The following MBOAT7 variants were observed in gnomAD, a reference collection of about 807,000 sequenced individuals.
MBOAT7 encodes the protein membrane-bound acylglycerophosphatidylinositol O-acyltransferase MBOAT7.
In MBOAT7, 40 loss-of-function variants were observed where a neutral mutation model predicts 47.4. The ratio of observed to expected loss-of-function variants is 0.84; its 90% CI spans 0.66 to 1.10. The LOEUF (loss-of-function observed/expected upper bound fraction) is 1.10. Among genes scored for constraint, MBOAT7 ranks in the 50% least tolerant of loss-of-function variants. MBOAT7 has a pLI of 0.00. For missense variants in MBOAT7, 680 were observed against 655.6 expected (o/e 1.04, Z -0.41); for synonymous variants, 361 against 292.0 (o/e 1.24, Z -2.41).
intron 4 of MBOAT7, 132 bp from the exon 5 acceptor site, chr19:54,183,812 G>T: frequency 1.2e-6 from 1 of 868,640 alleles, no homozygotes; most frequent in Non-Finnish European, 1.6e-6. Flanking sequence ...TAGGTTGTGT[G>T]TAACGCCTCT....
chr19:54,186,261 T>A (rs2147027698), intron 4 of MBOAT7, among the ~76,000 whole-genome samples: 1 of 151,126 alleles, frequency 6.6e-6, no homozygotes, highest in South Asian at 2.1e-4. Flanking sequence ...GTGATCCGCC[T>A]GCCTCAGCCT....
At chr19:54,175,185 A>C (rs111251337) in intron 7 of MBOAT7, among the ~76,000 whole-genome samples, 32 of 152,018 alleles carry the variant, frequency 2.1e-4, no homozygotes, top group African/African-American at 7.2e-4. Context: ...TCACCGTGTT[A>C]GCCAGGATGG....
chr19:54,174,768 A>AGGCCCCG (rs1170503313), intron 7 of MBOAT7, among the ~76,000 whole-genome samples: 1 of 151,940 alleles, frequency 6.6e-6, no homozygotes, highest in South Asian at 2.1e-4. Flanking sequence ...ACCAGGCCCC[A>AGGCCCCG]GGCCCTCCCC....
Position 54,174,015 on chromosome 19 carries a change from C to G in MBOAT7, c.*29G>C. ...AGCCTGGTTCACAGAATTCCCGGGA[C>G]CAGCTGGCAGAGGGAGCGTCGTGAC... On this transcript the variant is annotated 3_prime_UTR_variant, in exon 8 of 8. Coordinates refer to ENST00000245615, the MANE Select transcript of MBOAT7 (RefSeq NM_024298.5). 1 of 1,540,856 alleles carries G rather than the reference C, an allele frequency of 6.5e-7. No individual in the cohort carries two copies. The highest frequency in any genetic ancestry group is 8.7e-7 in the Non-Finnish European group (1 of 1,148,408).
At chr19:54,176,123 G>A (rs1050408600) in intron 7 of MBOAT7, among the ~76,000 whole-genome samples, 2 of 152,188 alleles carry the variant, frequency 1.3e-5, no homozygotes, top group African/African-American at 2.4e-5. Context: ...CCAAAGTGCT[G>A]GGATTACAGG....
chr19:54,177,183 A>ATACTAATACTAATAC (rs1426058818), intron 7 of MBOAT7, among the ~76,000 whole-genome samples: 1 of 151,246 alleles, frequency 6.6e-6, no homozygotes. Flanking sequence ...ACTAATACTA[A>ATACTAATACTAATAC]TAATAATATC....
rs542729679 is a variant in MBOAT7 at position 54,173,886 on chromosome 19, C to A, written c.*158G>T. On this transcript the variant is annotated 3_prime_UTR_variant, in exon 8 of 8. Transcript: ENST00000245615. ...CTCTGGGCAGAGGGCAGGGAGGACACCCCCGGGTCTGCTTCAGTTGCAGGC... is the reference window on the plus strand; with the variant it reads ...CTCTGGGCAGAGGGCAGGGAGGACAACCCCGGGTCTGCTTCAGTTGCAGGC... The A allele has an allele frequency of 2.3e-6, 2 of 880,384 alleles. No individual in the cohort carries two copies. The highest frequency in any genetic ancestry group is 1.7e-5 in the African/African-American group (1 of 57,442). 54.5% of individuals were successfully genotyped at this position (880,384 alleles called of 1,614,324 possible).
chr19:54,175,005 T>C (rs2076049239), intron 7 of MBOAT7, among the ~76,000 whole-genome samples: 1 of 140,874 alleles, frequency 7.1e-6, no homozygotes, highest in African/African-American at 2.6e-5. Flanking sequence ...AGACAGAGTC[T>C]CGCTCTGTCG....
rs901023525 is a variant in MBOAT7, at chr19:54,183,575, G to A, written c.439C>T (p.Pro147Ser). ...GPTLGLLPDV[P>S]SLMETLSYSY... Reference sequence around the variant, plus strand: ...TAGCTGAGTGTCTCCATCAGGGAGGGCACGTCGGGCAGCAGCCCCAGGGTG... The same window carrying A: ...TAGCTGAGTGTCTCCATCAGGGAGGACACGTCGGGCAGCAGCCCCAGGGTG... The change falls in exon 5 of 8, where the codon CCC becomes TCC. Residue 147 changes from proline (P) to serine (S), a missense_variant. Pro to Ser is a moderately conservative substitution (Grantham distance 74). Coordinates refer to ENST00000245615, the MANE Select transcript of MBOAT7 (RefSeq NM_024298.5). 2.5e-6 allele frequency: 4 copies of A among 1,608,802 alleles called. No individual in the cohort carries two copies. Among genetic ancestry groups the A allele is most frequent in the Non-Finnish European group, 3.4e-6 (4 of 1,177,768 alleles).
At chr19:54,181,691 GAGGGAAGGAGGGAAGGAAGA>G (rs1162962397) in intron 5 of MBOAT7, among the ~76,000 whole-genome samples, 36 of 99,488 alleles carry the variant, frequency 3.6e-4, no homozygotes, top group African/African-American at 1.2e-3. Flanking sequence ...AGGAAGGAGG[GAGGGAAGGAGGGAAGGAAGA>G]AGGGAGGGAA....
Position 54,173,891 on chromosome 19 carries a change from G to A in MBOAT7, c.*153C>T, listed in dbSNP as rs1001569486. ...GGCAGAGGGCAGGGAGGACACCCCC[G>A]GGTCTGCTTCAGTTGCAGGCAGGGT... is the stretch of plus-strand genomic sequence containing the variant. On this transcript the variant is annotated 3_prime_UTR_variant, in exon 8 of 8. Transcript: ENST00000245615. 4.0e-5 allele frequency: 37 copies of A among 914,948 alleles called. No homozygotes were observed. Among genetic ancestry groups the A allele is most frequent in the Middle Eastern group, 3.5e-4 (1 of 2,844 alleles). The allele number at this position is 914,948 out of a possible 1,614,324, so 56.7% of individuals were successfully genotyped here.
At chr19:54,177,334 T>C (rs1046939439) in intron 7 of MBOAT7, among the ~76,000 whole-genome samples, 7 of 152,180 alleles carry the variant, frequency 4.6e-5, no homozygotes, top group South Asian at 4.2e-4. Flanking sequence ...CTCGCTCTGT[T>C]GCCCAGGCTG....
intron 1 of MBOAT7, among the ~76,000 whole-genome samples, chr19:54,188,745 T>A (rs2076536023): frequency 6.6e-6 from 1 of 150,882 alleles, no homozygotes; most frequent in Non-Finnish European, 1.5e-5. Context: ...GGCCTCCAGC[T>A]CTCCTGTCCT....
Position 54,173,746 on chromosome 19 carries a change from C to T in MBOAT7, c.*298G>A. The T allele has an allele frequency of 5.2e-6, 2 of 385,584 alleles. No homozygotes were observed. Among genetic ancestry groups the T allele is most frequent in the Non-Finnish European group, 9.3e-6 (2 of 216,178 alleles). The allele number at this position is 385,584 out of a possible 1,614,324, so 23.9% of individuals were successfully genotyped here. A position where few individuals can be genotyped will look rare whatever the true frequency, so the allele number is the denominator to read the frequency against. On this transcript the variant is annotated 3_prime_UTR_variant, in exon 8 of 8. Coordinates refer to ENST00000245615, the MANE Select transcript of MBOAT7 (RefSeq NM_024298.5). ...GGGAATTTGCCCAAAACCCACTGCCCAGGGGCCCCTTCCGTTTTGGGGAAG... is the reference window on the plus strand; with the variant it reads ...GGGAATTTGCCCAAAACCCACTGCCTAGGGGCCCCTTCCGTTTTGGGGAAG...
intron 5 of MBOAT7, among the ~76,000 whole-genome samples, chr19:54,181,933 G>A (rs867387018): frequency 3.0e-5 from 1 of 33,730 alleles, no homozygotes; most frequent in African/African-American, 1.3e-4. Flanking sequence ...GAGGGAGGGA[G>A]GGAAGGAGGG....
intron 7 of MBOAT7, 109 bp downstream of exon 7, chr19:54,178,656 C>T (rs1600642296): frequency 4.7e-6 from 7 of 1,484,524 alleles, no homozygotes; most frequent in African/African-American, 1.4e-5. Context: ...CTACAATTCC[C>T]ATGAGCCTCC....
rs1206462864 is a variant in MBOAT7, at chr19:54,180,086, A to T, written c.854+687T>A. The stretch of plus-strand genomic sequence containing the variant: ...GGGTCAACCCATAGTTTCCAGGGGG[A>T]GGTTTGGCTTCCTTAGCAACAGTGT... On this transcript the variant is annotated intron_variant, in intron 6 of 7. Transcript: ENST00000245615. This position sits in a 1 kb window ranked among gnomAD's most constrained non-coding sequence, Gnocchi z 5.2. 1 of 151,740 alleles carries T rather than the reference A, an allele frequency of 6.6e-6. No homozygotes were observed. The highest frequency in any genetic ancestry group is 1.9e-4 in the East Asian group (1 of 5,168). 9.4% of individuals were successfully genotyped at this position (151,740 alleles called of 1,614,324 possible).
chr19:54,180,375 C>G lies in MBOAT7; in HGVS notation c.854+398G>C. 1 of 161,846 alleles carries G rather than the reference C, an allele frequency of 6.2e-6. No individual in the cohort carries two copies. The highest frequency in any genetic ancestry group is 1.8e-4 in the East Asian group (1 of 5,666). 10.0% of individuals were successfully genotyped at this position (161,846 alleles called of 1,614,324 possible). A position where few individuals can be genotyped will look rare whatever the true frequency, so the allele number is the denominator to read the frequency against. ...CCTAGCAAATAGTGGCGTTCTGTTGCTAGGGAACCGTTTCCCTAGCAACAG... is the reference window on the plus strand; with the variant it reads ...CCTAGCAAATAGTGGCGTTCTGTTGGTAGGGAACCGTTTCCCTAGCAACAG... On this transcript the variant is annotated intron_variant, in intron 6 of 7. Coordinates refer to ENST00000245615, the MANE Select transcript of MBOAT7 (RefSeq NM_024298.5). This position sits in a 1 kb window ranked among gnomAD's most constrained non-coding sequence, Gnocchi z 5.2.
At chr19:54,176,209 G>A (rs534095246) in intron 7 of MBOAT7, among the ~76,000 whole-genome samples, 37 of 151,984 alleles carry the variant, frequency 2.4e-4, no homozygotes, top group East Asian at 7.8e-4. Context: ...GGCTGGTCTC[G>A]AACTCCTGAG....
Sources: gnomAD v4.1 joint callset for allele counts (sites outside exome capture counted in the v4.1 genomes callset) on GRCh38, gnomAD v4.1.1 for gene constraint, Gnocchi (gnomAD v3.1) non-coding constraint, MANE v1.5 for transcripts, NCBI Gene and HGNC (gene_info 2026-07-23, HGNC 2026-07-21) for gene names.